The following FGD5 variants were observed in gnomAD, a reference collection of about 807,000 sequenced individuals.
The protein encoded by FGD5 is FYVE, RhoGEF and PH domain-containing protein 5.
Under a neutral mutation model 133.4 loss-of-function variants are expected in FGD5, and 28 were observed. The ratio of observed to expected loss-of-function variants is 0.21; its 90% CI spans 0.16 to 0.29. The LOEUF (loss-of-function observed/expected upper bound fraction) is 0.29. Among genes scored for constraint, FGD5 ranks in the 10% least tolerant of loss-of-function variants. FGD5 has a pLI of 1.00. For missense variants in FGD5, 1,858 were observed against 1,895.2 expected (o/e 0.98, Z 0.36); for synonymous variants, 810 against 776.5 (o/e 1.04, Z -0.72).
At chr3:14,826,601 T>C (rs997216950) in intron 1 of FGD5, among the ~76,000 whole-genome samples, 1 of 152,124 alleles carries the variant, frequency 6.6e-6, no homozygotes. Flanking sequence ...ACTACAGGAG[T>C]TAATACGGTA....
intron 13 of FGD5, chr3:14,920,390 C>T (rs2038652161): frequency 6.6e-6 from 1 of 151,924 alleles, no homozygotes. Context: ...GGCATGGTGG[C>T]TTATACCTGT....
chr3:14,869,032 C>T (rs1260201213), intron 2 of FGD5, among the ~76,000 whole-genome samples: 2 of 152,184 alleles, frequency 1.3e-5, no homozygotes, highest in African/African-American at 4.8e-5. Context: ...CGGTGGCTCA[C>T]ACCTGTAATC....
intron 2 of FGD5, among the ~76,000 whole-genome samples, chr3:14,867,170 C>T (rs2037511710): frequency 6.6e-6 from 1 of 152,192 alleles, no homozygotes. Context: ...AACTCTCATT[C>T]CTATTCCCCA....
chr3:14,902,621 A>G (rs541893008), intron 9 of FGD5, among the ~76,000 whole-genome samples: 13 of 152,286 alleles, frequency 8.5e-5, no homozygotes, highest in African/African-American at 3.1e-4. Context: ...TTAATCTTTA[A>G]GGTCCTCTCT....
In FGD5 at chr3:14,900,404, C is replaced by T; in HGVS notation, c.3156C>T (p.Asp1052=). The T allele has an allele frequency of 6.2e-7, 1 of 1,613,402 alleles. No individual in the cohort carries two copies. Among genetic ancestry groups the T allele is most frequent in the Non-Finnish European group, 8.5e-7 (1 of 1,179,666 alleles). Residue 1052 remains aspartate, a splice_region_variant and synonymous_variant, in exon 8 of 20, where the codon GAC becomes GAT. Coordinates refer to ENST00000285046, the MANE Select transcript of FGD5 (RefSeq NM_152536.4). ...RLFQYQVLLT[D]YLNNLCPDSA... is the part of the protein sequence containing the mutation. ...TCCTGGTTCTTATCCTGCCAACAGA[C>T]TATTTAAACAACCTTTGTCCGGACT...
At chr3:14,853,419 C>A (rs1489620462) in intron 1 of FGD5, among the ~76,000 whole-genome samples, 2 of 152,052 alleles carry the variant, frequency 1.3e-5, no homozygotes, top group Non-Finnish European at 2.9e-5. Flanking sequence ...CCTGTCTCCT[C>A]CATTTCAAAC....
chr3:14,846,846 A>G (rs900719999), intron 1 of FGD5, among the ~76,000 whole-genome samples: 1 of 152,218 alleles, frequency 6.6e-6, no homozygotes, highest in Non-Finnish European at 1.5e-5. Context: ...CCATGATGAA[A>G]TATGTGGAGG....
Position 14,932,615 on chromosome 3 carries a change from C to T in FGD5, c.4236C>T (p.Phe1412=), listed in dbSNP as rs768874457. ...TGGAGAGTATGCCTCTGCTAGGCTT[C>T]ACCATTGCTCCAGAAAAGGAAGAGG... ...VALESMPLLG[F]TIAPEKEEGS... Residue 1412 remains phenylalanine (F), a synonymous_variant, in exon 19 of 20, where the codon TTC becomes TTT. Transcript: ENST00000285046. The T allele has an allele frequency of 6.8e-6, 11 of 1,613,972 alleles. No individual in the cohort carries two copies. In the South Asian group the frequency reaches 8.8e-5, roughly 13 times the overall value.
At chr3:14,838,098 C>T (rs2036852132) in intron 1 of FGD5, among the ~76,000 whole-genome samples, 1 of 152,166 alleles carries the variant, frequency 6.6e-6, no homozygotes, top group Admixed American at 6.5e-5. Context: ...AGGCTGTGCC[C>T]ATTCAGGTCA....
intron 17 of FGD5, among the ~76,000 whole-genome samples, chr3:14,925,364 CT>C (rs1326796231): frequency 1.3e-5 from 2 of 152,138 alleles, no homozygotes; most frequent in Admixed American, 1.3e-4. Context: ...CTTAATTTGT[CT>C]TAGAGATCAT....
At chr3:14,927,321 T>G (rs1207834034) in intron 18 of FGD5, among the ~76,000 whole-genome samples, 1 of 152,186 alleles carries the variant, frequency 6.6e-6, no homozygotes, top group African/African-American at 2.4e-5. Context: ...CAGCATAAGC[T>G]TATTTTAAAA....
At chr3:14,848,292 C>T (rs1399722418) in intron 1 of FGD5, among the ~76,000 whole-genome samples, 1 of 152,092 alleles carries the variant, frequency 6.6e-6, no homozygotes, top group Admixed American at 6.5e-5. Flanking sequence ...TCCAAGACTG[C>T]CACACCCCAA....
At chr3:14,923,302 G>A (rs2038724673) in intron 16 of FGD5, 127 bp downstream of exon 16, 6 of 1,331,158 alleles carry the variant, frequency 4.5e-6, no homozygotes, top group Non-Finnish European at 6.0e-6. Flanking sequence ...TTCACTCCAT[G>A]GAGGGAGGAA....
intron 12 of FGD5, among the ~76,000 whole-genome samples, chr3:14,918,456 T>C (rs1369899668): frequency 6.6e-6 from 1 of 152,190 alleles, no homozygotes; most frequent in Non-Finnish European, 1.5e-5. Context: ...GAAAAAGGCA[T>C]GGGAGACGTG....
In FGD5 at chr3:14,918,816, C is replaced by T; in HGVS notation, c.3552C>T (p.Cys1184=). Residue 1184 remains cysteine (C), a synonymous_variant, in exon 13 of 20, where the codon TGC becomes TGT. Coordinates refer to ENST00000285046, the MANE Select transcript of FGD5 (RefSeq NM_152536.4). ...TAAAGATTGAGACTTCCGAGTCCTG[C>T]CTGATGCTGTCTGCGAGGTACGGGC... The part of the protein sequence containing the change: ...YALKIETSES[C]LMLSASSCAE... The T allele has an allele frequency of 6.2e-7, 1 of 1,613,940 alleles. No homozygotes were observed. Among genetic ancestry groups the T allele is most frequent in the Non-Finnish European group, 8.5e-7 (1 of 1,179,890 alleles).
At chr3:14,882,198 T>A in intron 4 of FGD5, 1 of 681,242 alleles carries the variant, frequency 1.5e-6, no homozygotes, top group Non-Finnish European at 1.8e-6. Context: ...AGTTTCCCAT[T>A]TTTTTTTTAA....
rs1038203975 is a variant in FGD5 at position 14,933,567 on chromosome 3, T to C, written c.*400T>C. 1.8e-4 allele frequency: 35 copies of C among 191,736 alleles called. No individual in the cohort carries two copies. Among genetic ancestry groups the C allele is most frequent in the African/African-American group, 5.9e-4 (25 of 42,472 alleles). 11.9% of individuals were successfully genotyped at this position (191,736 alleles called of 1,614,324 possible). ...GATAAATCTTATCACCTTTCAAAAA[T>C]TGATTGTGGTGCCTCAGGTGAAATG... is the stretch of plus-strand genomic sequence containing the variant. On this transcript the variant is annotated 3_prime_UTR_variant, in exon 20 of 20. Coordinates refer to ENST00000285046, the MANE Select transcript of FGD5 (RefSeq NM_152536.4).
chr3:14,928,652 G>A (rs1451554212), intron 18 of FGD5, among the ~76,000 whole-genome samples: 1 of 152,140 alleles, frequency 6.6e-6, no homozygotes. Context: ...GGCCGAGGCA[G>A]GAGAATCGTT....
In FGD5 at chr3:14,932,662, T is replaced by C. The variant is rs2038919255; in HGVS notation, c.4283T>C (p.Ile1428Thr). ...GAGGGCAGCAGTGAAGTAGGACCTA[T>C]TTTTCACCTTTACCACAAGAAAACC... ...KEEGSSEVGP[I>T]FHLYHKKTLF... Residue 1428 changes from isoleucine to threonine, a missense_variant, in exon 19 of 20, where the codon ATT becomes ACT. Physicochemically the swap from Ile to Thr is moderately conservative, Grantham distance 89. Around this residue, in one of 3 missense-constraint regions of FGD5, gnomAD observed 1,824 missense variants for 1,848.9 expected, o/e 0.99. Transcript: ENST00000285046. 2 of 1,613,922 alleles carry C rather than the reference T, an allele frequency of 1.2e-6. No homozygotes were observed.
Sources: allele counts gnomAD v4.1 joint callset (sites outside exome capture counted in the v4.1 genomes callset), GRCh38; gene constraint gnomAD v4.1.1; regional missense constraint gnomAD v4.1.1; transcripts MANE v1.5; gene names NCBI Gene and HGNC (gene_info 2026-07-23, HGNC 2026-07-21).